ELL2: variants seen among roughly 807,000 people sequenced by gnomAD.
The protein encoded by ELL2 is elongation factor for RNA polymerase II 2, also known as RNA polymerase II elongation factor ELL2.
A neutral mutation model predicts 72.8 loss-of-function variants in ELL2; 21 were observed. That is an observed-to-expected ratio of 0.29 (90% CI 0.20 to 0.42). The LOEUF is 0.42. Among genes scored for constraint, ELL2 ranks in the 10% least tolerant of loss-of-function variants. The probability of loss-of-function intolerance (pLI) is 1.00; values close to 1 mark genes in which losing one functional copy is unlikely to be tolerated. For missense variants in ELL2, 568 were observed against 772.8 expected (o/e 0.73, Z 3.14); for synonymous variants, 266 against 283.2 (o/e 0.94, Z 0.61).
chr5:95,914,365 C>CT (rs1749709216), intron 3 of ELL2, among the ~76,000 whole-genome samples: 1 of 152,128 alleles, frequency 6.6e-6, no homozygotes, highest in South Asian at 2.1e-4. Flanking sequence ...ACCACACATT[C>CT]TTTTTTATTT....
At chr5:95,904,238 G>A (rs1749262284) in intron 5 of ELL2, among the ~76,000 whole-genome samples, 1 of 152,088 alleles carries the variant, frequency 6.6e-6, no homozygotes, top group African/African-American at 2.4e-5. Context: ...GGTTACTTTG[G>A]GATTCCAGCA....
rs751083717 is a variant in ELL2 at position 95,906,608 on chromosome 5, T to A, written c.656A>T (p.Tyr219Phe). The change falls in exon 5 of 12, where the codon TAC becomes TTC. Residue 219 changes from tyrosine (Y) to phenylalanine (F), a missense_variant. Coordinates refer to ENST00000237853, the MANE Select transcript of ELL2 (RefSeq NM_012081.6). ...TCTAGCAAGTAGCTCCGGTTTCTTG[T>A]AGGCCTTCAGGGCCAGTAAGTGAAT... ...RVIHLLALKA[Y>F]KKPELLARLQ... The A allele has an allele frequency of 1.2e-6, 2 of 1,614,150 alleles. No homozygotes were observed. The highest frequency in any genetic ancestry group is 2.2e-5 in the South Asian group (2 of 91,080).
Position 95,885,825 on chromosome 5 carries a change from G to A in ELL2, c.*3046C>T, listed in dbSNP as rs1482872046. ...GACCATAACAATTTTGTGAGAACAA[G>A]TATAAAACTATCCATTACTACCTTA... On this transcript the variant is annotated 3_prime_UTR_variant, in exon 12 of 12. Transcript: ENST00000237853. The A allele has an allele frequency of 6.6e-6, 1 of 152,178 alleles. No individual in the cohort carries two copies. Among genetic ancestry groups the A allele is most frequent in the Non-Finnish European group, 1.5e-5 (1 of 68,028 alleles). The allele number at this position is 152,178 out of a possible 1,614,324, so 9.4% of individuals were successfully genotyped here.
At chr5:95,896,093 G>A (rs918219176) in intron 8 of ELL2, among the ~76,000 whole-genome samples, 6 of 152,186 alleles carry the variant, frequency 3.9e-5, no homozygotes, top group South Asian at 2.1e-4. Flanking sequence ...CAAACAAGGC[G>A]GATGAGACAA....
chr5:95,885,713 G>A lies in ELL2; in HGVS notation c.*3158C>T, dbSNP rs559601195. 3.3e-5 allele frequency: 5 copies of A among 152,216 alleles called. No individual in the cohort carries two copies. In the South Asian group the frequency reaches 8.3e-4, roughly 25 times the overall value. 9.4% of individuals were successfully genotyped at this position (152,216 alleles called of 1,614,324 possible). A position where few individuals can be genotyped will look rare whatever the true frequency, so the allele number is the denominator to read the frequency against. On this transcript the variant is annotated 3_prime_UTR_variant, in exon 12 of 12. Coordinates refer to ENST00000237853, the MANE Select transcript of ELL2 (RefSeq NM_012081.6). ...ACATAAGGTGAAACACTTTATAAGA[G>A]AAAAGAAAACTCCTATAAAGCTTAT...
Position 95,896,966 on chromosome 5 carries a change from T to C in ELL2, c.1525+1274A>G, listed in dbSNP as rs187684649. ...CCCAGTGGCTTATGAACTCTGAACA[T>C]AGAGTTCTACTTCATTTCTTTTCCT... On this transcript the variant is annotated intron_variant, in intron 8 of 11. Coordinates refer to ENST00000237853, the MANE Select transcript of ELL2 (RefSeq NM_012081.6). Among the ~76,000 whole-genome samples the C allele has an allele frequency of 7.2e-4, 110 of 152,276 alleles. No homozygotes were observed. In the Middle Eastern group the frequency reaches 0.01, roughly 14 times the overall value.
At chr5:95,930,635 G>A (rs1054873256) in intron 2 of ELL2, among the ~76,000 whole-genome samples, 2 of 152,052 alleles carry the variant, frequency 1.3e-5, no homozygotes, top group African/African-American at 4.8e-5. Context: ...TTCAAAGTAA[G>A]TCTTACGGGG....
intron 2 of ELL2, among the ~76,000 whole-genome samples, chr5:95,934,313 A>G (rs1371194126): frequency 6.6e-6 from 1 of 152,086 alleles, no homozygotes; most frequent in Non-Finnish European, 1.5e-5. Context: ...TTAGGTACCA[A>G]CCCTCTACTG....
At chr5:95,898,956 A>C (rs1749007416) in intron 7 of ELL2, 146 bp from the exon 8 acceptor site, 1 of 551,632 alleles carries the variant, frequency 1.8e-6, no homozygotes, top group Non-Finnish European at 2.8e-6. Context: ...CTTCATGCTT[A>C]AGCAAAAAAC....
chr5:95,953,034 G>A lies in ELL2; in HGVS notation c.147+8541C>T, dbSNP rs762453683. ...AGATGGAAACAAAGAGATGACCACCGGATTTTAACAGGGACCTTGGCAGGT... is the reference window on the plus strand; with the variant it reads ...AGATGGAAACAAAGAGATGACCACCAGATTTTAACAGGGACCTTGGCAGGT... On this transcript the variant is annotated intron_variant, in intron 1 of 11. Transcript: ENST00000237853. Among the ~76,000 whole-genome samples the A allele has an allele frequency of 5.1e-4, 78 of 152,210 alleles. 1 individual carries two copies. Among genetic ancestry groups the A allele is most frequent in the Non-Finnish European group, 1.3e-4 (9 of 68,034 alleles).
At chr5:95,896,619 T>C (rs1041798935) in intron 8 of ELL2, among the ~76,000 whole-genome samples, 2 of 152,332 alleles carry the variant, frequency 1.3e-5, no homozygotes, top group East Asian at 1.9e-4. Flanking sequence ...GCTTTTACGA[T>C]AGTCTGAGTC....
At chr5:95,907,209 G>C (rs547780645) in intron 4 of ELL2, among the ~76,000 whole-genome samples, 1 of 150,364 alleles carries the variant, frequency 6.7e-6, no homozygotes, top group African/African-American at 2.5e-5. Context: ...TGAGCATTAC[G>C]TTAGTAATTT....
At position 95,907,347 on chromosome 5, in the gene ELL2, TAACCAACC is replaced by T. The variant is rs199581845; in HGVS notation, c.482-573_482-566del. Among the ~76,000 whole-genome samples, 51 of 147,838 alleles carry T rather than the reference TAACCAACC, an allele frequency of 3.4e-4. 1 individual carries two copies. Among genetic ancestry groups the T allele is most frequent in the African/African-American group, 1.3e-3 (51 of 38,924 alleles). On this transcript the variant is annotated intron_variant, in intron 4 of 11. Transcript: ENST00000237853. ...AATTTTAGGATTCATAAAACAAAAC[TAACCAACC>T]AACCAACCAACCAGTCTCAGAGGGC... is the stretch of plus-strand genomic sequence containing the variant.
At chr5:95,915,488 A>C (rs1167238614) in intron 3 of ELL2, among the ~76,000 whole-genome samples, 1 of 152,248 alleles carries the variant, frequency 6.6e-6, no homozygotes, top group Non-Finnish European at 1.5e-5. Flanking sequence ...TTCATCTCAT[A>C]AATATTTATT....
chr5:95,913,627 C>A, intron 4 of ELL2, 144 bp downstream of exon 4: 1 of 879,692 alleles, frequency 1.1e-6, no homozygotes, highest in Non-Finnish European at 1.7e-6. Flanking sequence ...GAACAAATAA[C>A]TTTGTTTTTC....
intron 11 of ELL2, 24 bp from the exon 12 acceptor site, chr5:95,889,011 A>G (rs762550314): frequency 3.8e-6 from 6 of 1,575,876 alleles, no homozygotes; most frequent in African/African-American, 1.4e-5. Context: ...AAAAAAAAAA[A>G]AAAGAGGAAT....
intron 7 of ELL2, chr5:95,900,078 C>T (rs546691512): frequency 6.6e-5 from 10 of 152,218 alleles, no homozygotes; most frequent in African/African-American, 1.9e-4. Flanking sequence ...CCCAGAACAC[C>T]GAGAGAGTTC....
intron 2 of ELL2, among the ~76,000 whole-genome samples, chr5:95,937,130 C>A (rs191625330): frequency 1.3e-5 from 2 of 152,244 alleles, no homozygotes; most frequent in East Asian, 3.9e-4. Flanking sequence ...CAAAGTGATG[C>A]AGTTTGGTGA....
At position 95,950,931 on chromosome 5, in the gene ELL2, T is replaced by C. The variant is rs1218500563; in HGVS notation, c.148-7882A>G. Reference sequence around the variant, plus strand: ...ATATATATATATATATATATATATATATATATATATATATATATATATAAA... The same window carrying C: ...ATATATATATATATATATATATATACATATATATATATATATATATATAAA... On this transcript the variant is annotated intron_variant, in intron 1 of 11. Coordinates refer to ENST00000237853, the MANE Select transcript of ELL2 (RefSeq NM_012081.6). Among the ~76,000 whole-genome samples, 59 of 126,562 alleles carry C rather than the reference T, an allele frequency of 4.7e-4. 3 individuals carry two copies. Among genetic ancestry groups the C allele is most frequent in the African/African-American group, 1.6e-3 (50 of 31,428 alleles). 83.0% of individuals were successfully genotyped at this position (126,562 alleles called of 152,430 possible). A position where few individuals can be genotyped will look rare whatever the true frequency, so the allele number is the denominator to read the frequency against.
Sources: allele counts gnomAD v4.1 joint callset (sites outside exome capture counted in the v4.1 genomes callset), GRCh38; gene constraint gnomAD v4.1.1; transcripts MANE v1.5; gene names NCBI Gene and HGNC (gene_info 2026-07-23, HGNC 2026-07-21).